The following SPAG16 variants were observed in gnomAD, a reference collection of about 807,000 sequenced individuals.
The protein encoded by SPAG16 is sperm-associated antigen 16 protein.
Under a neutral mutation model 80.4 loss-of-function variants are expected in SPAG16, and 86 were observed. The observed-to-expected ratio is 1.07, with a 90% CI of 0.90 to 1.28. The LOEUF is 1.28. SPAG16 is among the 50% of genes most tolerant of loss of function. The pLI is 0.00. For missense variants in SPAG16, 870 were observed against 765.3 expected (o/e 1.14, Z -1.61); for synonymous variants, 294 against 265.9 (o/e 1.11, Z -1.03).
intron 9 of SPAG16, among the ~76,000 whole-genome samples, chr2:213,467,129 T>C (rs1241676797): frequency 6.6e-6 from 1 of 152,072 alleles, no homozygotes; most frequent in African/African-American, 2.4e-5. Flanking sequence ...ATTGGGGTAT[T>C]ACAAGGGCTG....
chr2:214,386,613 G>GTACTT (rs1158148796), intron 15 of SPAG16, among the ~76,000 whole-genome samples: 1 of 152,038 alleles, frequency 6.6e-6, no homozygotes, highest in African/African-American at 2.4e-5. Flanking sequence ...TGTAATCCCA[G>GTACTT]TACTTTGGGA....
chr2:213,352,195 C>G (rs1269176560), intron 7 of SPAG16, among the ~76,000 whole-genome samples: 3 of 151,200 alleles, frequency 2.0e-5, no homozygotes, highest in Admixed American at 6.6e-5. Context: ...CCTAAAACCT[C>G]TATTCTTTAT....
chr2:214,203,928 T>C (rs1253482660), intron 15 of SPAG16, among the ~76,000 whole-genome samples: 1 of 152,128 alleles, frequency 6.6e-6, no homozygotes, highest in Non-Finnish European at 1.5e-5. Context: ...AGGCTGGTTG[T>C]TGGAGCAAGT....
intron 15 of SPAG16, among the ~76,000 whole-genome samples, chr2:214,273,934 A>C (rs1466771599): frequency 2.0e-5 from 3 of 152,076 alleles, no homozygotes; most frequent in Non-Finnish European, 4.4e-5. Flanking sequence ...ATGTGCATGG[A>C]ATGTTCTTCC....
intron 15 of SPAG16, among the ~76,000 whole-genome samples, chr2:214,255,645 GCCCCTT>G (rs1044684272): frequency 2.0e-5 from 3 of 151,780 alleles, no homozygotes; most frequent in African/African-American, 7.3e-5. Flanking sequence ...GTTCTCTCGT[GCCCCTT>G]TTCACTCAAT....
intron 15 of SPAG16, among the ~76,000 whole-genome samples, chr2:214,244,825 AT>A (rs1448600401): frequency 6.6e-6 from 1 of 152,044 alleles, no homozygotes; most frequent in African/African-American, 2.4e-5. Context: ...TTCAACGTAT[AT>A]TTTTATTCTT....
intron 14 of SPAG16, among the ~76,000 whole-genome samples, chr2:214,117,835 G>A (rs1351288416): frequency 6.6e-6 from 1 of 151,980 alleles, no homozygotes; most frequent in East Asian, 1.9e-4. Flanking sequence ...TGAACAATTA[G>A]GTATAGAAGC....
chr2:214,263,432 T>C (rs899463438), intron 15 of SPAG16, among the ~76,000 whole-genome samples: 2 of 152,220 alleles, frequency 1.3e-5, no homozygotes, highest in African/African-American at 4.8e-5. Flanking sequence ...TTATAAGCAC[T>C]TGATAGAAGC....
At chr2:214,117,045 A>C (rs1006688711) in intron 14 of SPAG16, among the ~76,000 whole-genome samples, 2 of 152,204 alleles carry the variant, frequency 1.3e-5, no homozygotes, top group Non-Finnish European at 2.9e-5. Flanking sequence ...AGTGACAGGG[A>C]TGTGTCATCT....
At chr2:213,718,035 G>C (rs1459174131) in intron 10 of SPAG16, among the ~76,000 whole-genome samples, 1 of 143,932 alleles carries the variant, frequency 6.9e-6, no homozygotes, top group African/African-American at 2.6e-5. Flanking sequence ...CACAGCAAAA[G>C]AAACTATCAC....
intron 13 of SPAG16, among the ~76,000 whole-genome samples, chr2:214,046,274 A>G (rs1232682176): frequency 2.0e-5 from 3 of 152,302 alleles, no homozygotes; most frequent in Non-Finnish European, 2.9e-5. Context: ...AAAACTTTAA[A>G]AAAAAGAAAT....
chr2:213,604,361 TTTCTC>T (rs1216866698), intron 10 of SPAG16, among the ~76,000 whole-genome samples: 1 of 152,196 alleles, frequency 6.6e-6, no homozygotes, highest in Admixed American at 6.5e-5. Context: ...TTATTACTGA[TTTCTC>T]TTCATTGTAC....
chr2:214,138,424 T>C (rs2055175613), intron 14 of SPAG16, among the ~76,000 whole-genome samples: 1 of 152,256 alleles, frequency 6.6e-6, no homozygotes, highest in Admixed American at 6.5e-5. Context: ...TGCAAAAGAA[T>C]ATTTAAAGCC....
At chr2:213,950,810 G>A (rs2079730242) in intron 12 of SPAG16, among the ~76,000 whole-genome samples, 1 of 145,072 alleles carries the variant, frequency 6.9e-6, no homozygotes. Flanking sequence ...CCAGGCTCAA[G>A]TGATCCTCCC....
chr2:213,928,283 G>A (rs1446769654), intron 11 of SPAG16, among the ~76,000 whole-genome samples: 1 of 150,298 alleles, frequency 6.7e-6, no homozygotes, highest in African/African-American at 2.5e-5. Context: ...TAGTAGAGAC[G>A]GGGTTTCACC....
chr2:213,582,699 C>G (rs2060337853), intron 10 of SPAG16, among the ~76,000 whole-genome samples: 1 of 152,226 alleles, frequency 6.6e-6, no homozygotes, highest in Non-Finnish European at 1.5e-5. Flanking sequence ...CAGGTGATTC[C>G]TGATAATGCT....
rs1474983442 is a variant in SPAG16 at position 213,340,154 on chromosome 2, T to G, written c.537-9T>G. 1 of 1,581,276 alleles carries G rather than the reference T, an allele frequency of 6.3e-7. No homozygotes were observed. The highest frequency in any genetic ancestry group is 1.8e-5 in the Admixed American group (1 of 54,826). Reference sequence around the variant, plus strand: ...GCAGTGATTTATAAAGTTACTATTTTTTTTTCAGCAAAGCTAGAGAAGATT... The same window carrying G: ...GCAGTGATTTATAAAGTTACTATTTGTTTTTCAGCAAAGCTAGAGAAGATT... On this transcript the variant is annotated splice_polypyrimidine_tract_variant and intron_variant, in intron 5 of 15. Transcript: ENST00000331683.
At chr2:213,666,202 C>T (rs751513273) in intron 10 of SPAG16, among the ~76,000 whole-genome samples, 1 of 152,032 alleles carries the variant, frequency 6.6e-6, no homozygotes, top group African/African-American at 2.4e-5. Flanking sequence ...CCCCAAAATT[C>T]GAGTTTTTCT....
chr2:214,162,065 CATTTTTCCTGCA>C (rs2056462953), intron 15 of SPAG16, among the ~76,000 whole-genome samples: 1 of 151,952 alleles, frequency 6.6e-6, no homozygotes, highest in Non-Finnish European at 1.5e-5. Flanking sequence ...GTTATCAGTC[CATTTTTCCTGCA>C]ATAACAAAGA....
Sources: allele counts gnomAD v4.1 joint callset (sites outside exome capture counted in the v4.1 genomes callset), GRCh38; gene constraint gnomAD v4.1.1; transcripts MANE v1.5; gene names NCBI Gene and HGNC (gene_info 2026-07-23, HGNC 2026-07-21).